CADPS: variants seen among roughly 807,000 people sequenced by gnomAD.
CADPS encodes the protein calcium dependent secretion activator.
In CADPS, 57 loss-of-function variants were observed where a neutral mutation model predicts 167.3. That is an observed-to-expected ratio of 0.34 (90% confidence interval 0.28 to 0.42). The LOEUF (loss-of-function observed/expected upper bound fraction) is 0.42, where lower values mean the gene tolerates loss of function less well. Among genes scored for constraint, CADPS ranks in the 20% least tolerant of loss-of-function variants. CADPS has a pLI of 1.00. For synonymous variants in CADPS, 676 were observed against 635.3 expected (o/e 1.06, Z -0.96); for missense variants, 1,414 against 1,738.1 (o/e 0.81, Z 3.32).
intron 26 of CADPS, 53 bp from the exon 27 acceptor site, chr3:62,445,850 T>C: frequency 7.6e-7 from 1 of 1,313,838 alleles, no homozygotes; most frequent in Non-Finnish European, 1.0e-6. Context: ...GTTTAATTGT[T>C]CACTGCTCAA....
chr3:62,679,909 T>C (rs1338659234), intron 3 of CADPS, among the ~76,000 whole-genome samples: 2 of 151,956 alleles, frequency 1.3e-5, no homozygotes, highest in African/African-American at 4.8e-5. Context: ...TAAAGCTGTG[T>C]CATATTTGTC....
intron 20 of CADPS, 56 bp from the exon 21 acceptor site, chr3:62,491,536 A>AACACACACACACACACACAAACACAC: frequency 1.0e-6 from 1 of 1,004,912 alleles, no homozygotes; most frequent in Middle Eastern, 2.6e-4. Flanking sequence ...ATCAACGTAC[A>AACACACACACACACACACAAACACAC]ACACACACAC....
chr3:62,654,325 G>GT (rs1197961968), intron 4 of CADPS, among the ~76,000 whole-genome samples: 3 of 152,130 alleles, frequency 2.0e-5, no homozygotes, highest in Admixed American at 6.6e-5. Context: ...GAACATCAAG[G>GT]TAGGTACTGT....
At chr3:62,627,758 C>T (rs1025370860) in intron 6 of CADPS, among the ~76,000 whole-genome samples, 2 of 151,882 alleles carry the variant, frequency 1.3e-5, no homozygotes, top group African/African-American at 2.4e-5. Context: ...TCATCATGCT[C>T]GCTCGAGTCT....
rs73842467 is a variant in CADPS at position 62,549,753 on chromosome 3, C to T, written c.1966+150G>A. 1.5e-3 allele frequency: 930 copies of T among 641,048 alleles called. 7 individuals carry two copies. In the African/African-American group the frequency reaches 0.015, roughly 11 times the overall value. 39.7% of individuals were successfully genotyped at this position (641,048 alleles called of 1,614,324 possible). On this transcript the variant is annotated intron_variant, in intron 11 of 29. Coordinates refer to ENST00000383710, the MANE Select transcript of CADPS (RefSeq NM_003716.4). ...TAAAATTACTTTCATCTAACATTTG[C>T]CCCAACTTTCCCCCTGAATTCACTA...
intron 26 of CADPS, among the ~76,000 whole-genome samples, chr3:62,450,568 C>A (rs1179391684): frequency 1.3e-5 from 2 of 152,204 alleles, no homozygotes. Flanking sequence ...GGTAGGACAA[C>A]CCATATCTTT....
chr3:62,771,853 T>C (rs372726715), intron 1 of CADPS, among the ~76,000 whole-genome samples: 12 of 152,312 alleles, frequency 7.9e-5, no homozygotes, highest in African/African-American at 2.6e-4. Context: ...ACTGAAGCAT[T>C]CTGGAGAAGT....
At chr3:62,667,403 G>A (rs751454147) in intron 3 of CADPS, among the ~76,000 whole-genome samples, 2 of 151,780 alleles carry the variant, frequency 1.3e-5, no homozygotes, top group Admixed American at 6.6e-5. Flanking sequence ...TTTAGCTGTG[G>A]GATCTTGAGC....
chr3:62,842,258 G>T (rs1028612063), intron 1 of CADPS, among the ~76,000 whole-genome samples: 1 of 152,176 alleles, frequency 6.6e-6, no homozygotes, highest in Non-Finnish European at 1.5e-5. Flanking sequence ...CAGTGAGGTA[G>T]GCGCTATCAT....
chr3:62,510,469 A>C lies in CADPS; in HGVS notation c.2599+2282T>G, dbSNP rs577945249. On this transcript the variant is annotated intron_variant, in intron 17 of 29. Coordinates refer to ENST00000383710, the MANE Select transcript of CADPS (RefSeq NM_003716.4). ...GGGTTCAGAATGTGTGACGGTTTAC[A>C]TGGAAATGTATTTAAAATAATAGAA... Among the ~76,000 whole-genome samples, 12 of 152,298 alleles carry C rather than the reference A, an allele frequency of 7.9e-5. No homozygotes were observed. The South Asian group carries it at 2.5e-3, about 32-fold the overall frequency.
intron 1 of CADPS, among the ~76,000 whole-genome samples, chr3:62,822,862 T>A (rs855099): frequency 0.94 from 142,821 of 152,078 alleles, 67,175 homozygotes; most frequent in East Asian, 1. Flanking sequence ...AAATAAAAAT[T>A]AAAATTAAAT....
intron 1 of CADPS, among the ~76,000 whole-genome samples, chr3:62,868,073 A>G (rs926415688): frequency 6.6e-6 from 1 of 152,110 alleles, no homozygotes; most frequent in African/African-American, 2.4e-5. Flanking sequence ...CCCTTTCCTC[A>G]TCTGTTAAAA....
At chr3:62,667,226 T>C (rs1271278689) in intron 3 of CADPS, among the ~76,000 whole-genome samples, 6 of 152,048 alleles carry the variant, frequency 3.9e-5, no homozygotes, top group African/African-American at 1.4e-4. Flanking sequence ...AGAGGTCCTA[T>C]AGTTTAGCAA....
intron 1 of CADPS, among the ~76,000 whole-genome samples, chr3:62,790,232 C>T (rs1043074650): frequency 2.0e-5 from 3 of 152,010 alleles, no homozygotes; most frequent in African/African-American, 7.2e-5. Flanking sequence ...AATAAGAAGG[C>T]TACATAATCA....
intron 2 of CADPS, among the ~76,000 whole-genome samples, chr3:62,762,794 C>A (rs1159161036): frequency 6.6e-6 from 1 of 152,002 alleles, no homozygotes; most frequent in African/African-American, 2.4e-5. Flanking sequence ...TCTGCGGATA[C>A]TGAGTAATGA....
intron 9 of CADPS, among the ~76,000 whole-genome samples, chr3:62,563,490 A>G (rs1377885039): frequency 1.4e-5 from 2 of 145,526 alleles, no homozygotes; most frequent in African/African-American, 5.7e-5. Context: ...TGTTGGTTCT[A>G]TCTGAGTAAT....
chr3:62,467,587 C>T (rs1490678737), intron 24 of CADPS, among the ~76,000 whole-genome samples: 1 of 152,020 alleles, frequency 6.6e-6, no homozygotes, highest in Non-Finnish European at 1.5e-5. Flanking sequence ...AGTCCCAGTG[C>T]AAAGTTGGGA....
chr3:62,650,153 C>T (rs2150176250), intron 5 of CADPS, among the ~76,000 whole-genome samples: 1 of 152,188 alleles, frequency 6.6e-6, no homozygotes, highest in African/African-American at 2.4e-5. Flanking sequence ...AAAATGCTAA[C>T]CTATTTTCCA....
At chr3:62,844,563 A>C (rs2077110061) in intron 1 of CADPS, among the ~76,000 whole-genome samples, 1 of 152,164 alleles carries the variant, frequency 6.6e-6, no homozygotes, top group Admixed American at 6.5e-5. Context: ...ACAACATCCA[A>C]GCTTGGTGAG....
Sources: gnomAD v4.1 joint callset for allele counts (sites outside exome capture counted in the v4.1 genomes callset) on GRCh38, gnomAD v4.1.1 for gene constraint, MANE v1.5 for transcripts, NCBI Gene and HGNC (gene_info 2026-07-23, HGNC 2026-07-21) for gene names.